The following ERBB4 variants were observed in gnomAD, a reference collection of about 807,000 sequenced individuals.
ERBB4 encodes receptor tyrosine-protein kinase erbB-4.
A neutral mutation model predicts 158.0 loss-of-function variants in ERBB4; 42 were observed. The observed-to-expected ratio is 0.27, with a 90% CI of 0.21 to 0.34. The LOEUF (loss-of-function observed/expected upper bound fraction) is 0.34. Among genes scored for constraint, ERBB4 ranks in the 10% least tolerant of loss-of-function variants. The pLI is 1.00. For synonymous variants in ERBB4, 583 were observed against 558.7 expected, an observed-to-expected ratio of 1.04 and a Z score of -0.61; for missense variants, 1,333 against 1,624.1, an observed-to-expected ratio of 0.82 and a Z score of 3.08.
chr2:211,655,168 A>C (rs572692682), intron 16 of ERBB4, among the ~76,000 whole-genome samples: 1 of 152,236 alleles, frequency 6.6e-6, no homozygotes, highest in Admixed American at 6.5e-5. Flanking sequence ...TCAGTGGCCA[A>C]CATTGTAATT....
At chr2:211,842,686 C>T (rs1275687562) in intron 3 of ERBB4, among the ~76,000 whole-genome samples, 1 of 152,014 alleles carries the variant, frequency 6.6e-6, no homozygotes, top group Non-Finnish European at 1.5e-5. Context: ...TCACCTCCCG[C>T]CACTGACACA....
At chr2:212,240,645 A>AAAAAAAAAAAAAC (rs2084058532) in intron 1 of ERBB4, among the ~76,000 whole-genome samples, 2 of 110,186 alleles carry the variant, frequency 1.8e-5, no homozygotes, top group South Asian at 1.0e-3. Flanking sequence ...CTCAAAAAAA[A>AAAAAAAAAAAAAC]AAAAAAAAAA....
At chr2:212,478,298 A>G (rs754093247) in intron 1 of ERBB4, among the ~76,000 whole-genome samples, 21 of 152,118 alleles carry the variant, frequency 1.4e-4, no homozygotes, top group Non-Finnish European at 1.5e-4. Flanking sequence ...TCAGTCATTT[A>G]TAACGGGGAG....
At chr2:212,008,290 G>A (rs1205060525) in intron 2 of ERBB4, among the ~76,000 whole-genome samples, 3 of 151,956 alleles carry the variant, frequency 2.0e-5, no homozygotes, top group Non-Finnish European at 4.4e-5. Flanking sequence ...ATTCCCCTAC[G>A]ACACAGTCGA....
rs2071277696 is a variant in ERBB4, at chr2:211,657,882, C to G, written c.1872-54G>C. 3.7e-6 allele frequency: 6 copies of G among 1,601,740 alleles called. No individual in the cohort carries two copies. In the East Asian group the frequency reaches 1.1e-4, roughly 30 times the overall value. ...CATTCTCCATCCACAGTGACATGCA[C>G]ACACATGCACCAGTGCTCACACATG... On this transcript the variant is annotated intron_variant, in intron 15 of 27. Transcript: ENST00000342788.
chr2:211,747,693 G>C lies in ERBB4; in HGVS notation c.622+2946C>G, dbSNP rs147736682. 2.5e-3 allele frequency among the ~76,000 whole-genome samples: 381 copies of C among 151,682 alleles called. 5 individuals are homozygous for C. Among genetic ancestry groups the C allele is most frequent in the African/African-American group, 8.6e-3 (355 of 41,402 alleles). On this transcript the variant is annotated intron_variant, in intron 5 of 27. Coordinates refer to ENST00000342788, the MANE Select transcript of ERBB4 (RefSeq NM_005235.3). ...AAGGAAAATTTCAATCAAAGTTAGG[G>C]AAAACCCTAATAATCAATGACATAC...
chr2:212,052,790 CTAAT>C (rs1183698912), intron 2 of ERBB4, among the ~76,000 whole-genome samples: 1 of 152,170 alleles, frequency 6.6e-6, no homozygotes, highest in Non-Finnish European at 1.5e-5. Context: ...GTACCCCTCC[CTAAT>C]TTCTTTCAAC....
At chr2:211,878,935 C>T (rs1001679065) in intron 3 of ERBB4, among the ~76,000 whole-genome samples, 3 of 152,108 alleles carry the variant, frequency 2.0e-5, no homozygotes, top group African/African-American at 4.8e-5. Context: ...GAAAGACTAA[C>T]ATTCACTGAG....
intron 3 of ERBB4, among the ~76,000 whole-genome samples, chr2:211,891,633 G>A (rs1346923977): frequency 9.6e-6 from 1 of 104,038 alleles, no homozygotes; most frequent in Non-Finnish European, 1.9e-5. Context: ...TTTTTTGAAA[G>A]GATCAACAAA....
intron 12 of ERBB4, among the ~76,000 whole-genome samples, chr2:211,701,602 A>C (rs1291762447): frequency 1.3e-5 from 2 of 151,768 alleles, no homozygotes. Context: ...TAAAAATACC[A>C]AAAAAATTAG....
intron 2 of ERBB4, among the ~76,000 whole-genome samples, chr2:211,966,734 C>T (rs941074149): frequency 6.6e-6 from 1 of 152,008 alleles, no homozygotes; most frequent in African/African-American, 2.4e-5. Flanking sequence ...AAAACCAATA[C>T]CCTGTAGTTC....
At chr2:212,102,580 T>C (rs1015965084) in intron 2 of ERBB4, among the ~76,000 whole-genome samples, 11 of 152,248 alleles carry the variant, frequency 7.2e-5, no homozygotes, top group African/African-American at 2.6e-4. Flanking sequence ...TTTTAAACAA[T>C]AGACATGGAT....
chr2:212,306,735 C>G (rs2086824947), intron 1 of ERBB4, among the ~76,000 whole-genome samples: 1 of 150,358 alleles, frequency 6.7e-6, no homozygotes, highest in Admixed American at 6.7e-5. Context: ...TACTAGTGTT[C>G]TAATTTACTT....
intron 1 of ERBB4, among the ~76,000 whole-genome samples, chr2:212,253,926 T>C (rs2084631976): frequency 6.6e-6 from 1 of 152,116 alleles, no homozygotes; most frequent in African/African-American, 2.4e-5. Flanking sequence ...GTATAGTATG[T>C]TACTGTACTG....
intron 20 of ERBB4, among the ~76,000 whole-genome samples, chr2:211,507,086 T>C (rs745448919): frequency 6.6e-6 from 1 of 152,086 alleles, no homozygotes; most frequent in Admixed American, 6.5e-5. Context: ...AACATGTCTA[T>C]GCACACAAAC....
chr2:212,019,628 T>C (rs771595233), intron 2 of ERBB4, among the ~76,000 whole-genome samples: 2 of 151,758 alleles, frequency 1.3e-5, no homozygotes, highest in African/African-American at 2.4e-5. Context: ...CCAGGCATGG[T>C]GGCGGGCGCC....
rs1222453605 is a variant in ERBB4 at position 211,859,283 on chromosome 2, G to C, written c.422-71124C>G. ...CTTAAAATCTCTTTCTCTAGAAAAA[G>C]TCTTTAGATAAAGGCAGTTCACAAA... On this transcript the variant is annotated intron_variant, in intron 3 of 27. Coordinates refer to ENST00000342788, the MANE Select transcript of ERBB4 (RefSeq NM_005235.3). 5.9e-5 allele frequency among the ~76,000 whole-genome samples: 9 copies of C among 152,178 alleles called. No individual in the cohort carries two copies. The East Asian group carries it at 1.7e-3, about 29-fold the overall frequency.
chr2:212,298,995 T>G (rs2086522235), intron 1 of ERBB4, among the ~76,000 whole-genome samples: 1 of 151,766 alleles, frequency 6.6e-6, no homozygotes, highest in Admixed American at 6.6e-5. Context: ...ATCATAATAA[T>G]AGCTAATATT....
intron 1 of ERBB4, among the ~76,000 whole-genome samples, chr2:212,177,119 C>A (rs1415941985): frequency 6.6e-6 from 1 of 151,676 alleles, no homozygotes; most frequent in East Asian, 1.9e-4. Flanking sequence ...ATTAAGTGCT[C>A]AAGTTTTCAG....
Sources: allele counts gnomAD v4.1 joint callset (sites outside exome capture counted in the v4.1 genomes callset), GRCh38; gene constraint gnomAD v4.1.1; transcripts MANE v1.5; gene names NCBI Gene and HGNC (gene_info 2026-07-23, HGNC 2026-07-21).